The following COL5A1 variants were observed in gnomAD, a reference collection of about 807,000 sequenced individuals.
COL5A1 encodes collagen type V alpha 1 chain.
In COL5A1, 16 loss-of-function variants were observed where a neutral mutation model predicts 263.7. The observed-to-expected ratio is 0.06, with a 90% CI of 0.04 to 0.09. COL5A1 has a LOEUF of 0.09. Among genes scored for constraint, COL5A1 ranks in the 10% least tolerant of loss-of-function variants. COL5A1 has a pLI of 1.00. For missense variants in COL5A1, 2,036 were observed against 2,540.5 expected (o/e 0.80, Z 4.27); for synonymous variants, 1,012 against 1,004.5 (o/e 1.01, Z -0.14).
At chr9:134,830,385 G>A (rs1466611666) in intron 64 of COL5A1, 3 of 614,612 alleles carry the variant, frequency 4.9e-6, no homozygotes, top group Non-Finnish European at 5.7e-6. Context: ...GCCTGGAGTA[G>A]GCAGATGGTT....
In COL5A1 at chr9:134,650,577, G is replaced by T. The variant is rs897621585; in HGVS notation, c.109+8281G>T. On this transcript the variant is annotated intron_variant, in intron 1 of 65. Transcript: ENST00000371817. ...TGAACAGGTGGTTTTACCCAGTGAG[G>T]TGCAGTAGAAGTGGGAGTAGGGTGT... Among the ~76,000 whole-genome samples, 36 of 152,238 alleles carry T rather than the reference G, an allele frequency of 2.4e-4. 1 individual carries two copies. Among genetic ancestry groups the T allele is most frequent in the Admixed American group, 2.2e-3 (33 of 15,292 alleles).
chr9:134,791,779 A>G (rs969483796), intron 32 of COL5A1, among the ~76,000 whole-genome samples: 1 of 151,888 alleles, frequency 6.6e-6, no homozygotes, highest in Non-Finnish European at 1.5e-5. Flanking sequence ...GGTGCAGTCC[A>G]TTCACTTAAA....
At chr9:134,650,650 G>A (rs1189823868) in intron 1 of COL5A1, among the ~76,000 whole-genome samples, 1 of 152,244 alleles carries the variant, frequency 6.6e-6, no homozygotes, top group African/African-American at 2.4e-5. Context: ...TGGGGCGGTG[G>A]CCAGTCAGAG....
rs376610599 is a variant in COL5A1 at position 134,823,382 on chromosome 9, G to A, written c.4645-34G>A. 3.1e-5 allele frequency: 50 copies of A among 1,613,304 alleles called. No individual in the cohort carries two copies. The African/African-American group carries it at 6.4e-4, about 21-fold the overall frequency. Reference sequence around the variant, plus strand: ...GGATTCAAAGTCCCCTCATACCTCTGTGACCAAGGGTTGATTCTTTTCTTT... The same window carrying A: ...GGATTCAAAGTCCCCTCATACCTCTATGACCAAGGGTTGATTCTTTTCTTT... On this transcript the variant is annotated intron_variant, in intron 60 of 65. Transcript: ENST00000371817.
rs183090841 is a variant in COL5A1 at position 134,758,853 on chromosome 9, C to T, written c.1935+557C>T. On this transcript the variant is annotated intron_variant, in intron 18 of 65. Transcript: ENST00000371817. This position sits in a 1 kb window ranked among gnomAD's most constrained non-coding sequence, Gnocchi z 4.1. ...GGTGACCTGGGGGTCTTCCTGGCTG[C>T]GCCGTTTCTATGTGGTTGTTGGAGA... Among the ~76,000 whole-genome samples the T allele has an allele frequency of 5.6e-4, 85 of 152,244 alleles. No homozygotes were observed. In the East Asian group the frequency reaches 0.015, roughly 26 times the overall value.
In COL5A1 at chr9:134,696,065, C is replaced by T. The variant is rs1189924670; in HGVS notation, c.278-3844C>T. On this transcript the variant is annotated intron_variant, in intron 2 of 65. Coordinates refer to ENST00000371817, the MANE Select transcript of COL5A1 (RefSeq NM_000093.5). This position sits in a 1 kb window ranked among gnomAD's most constrained non-coding sequence, Gnocchi z 4.3. Reference sequence around the variant, plus strand: ...GGTCCAGCTGAAACCTCAGCCGCCCCCCAGGTTCCTGGCCCCCTGTCCAAA... The same window carrying T: ...GGTCCAGCTGAAACCTCAGCCGCCCTCCAGGTTCCTGGCCCCCTGTCCAAA... Among the ~76,000 whole-genome samples, 4 of 152,200 alleles carry T rather than the reference C, an allele frequency of 2.6e-5. No individual in the cohort carries two copies. Among genetic ancestry groups the T allele is most frequent in the Non-Finnish European group, 5.9e-5 (4 of 68,026 alleles).
At chr9:134,837,984 T>G (rs1013630825) in intron 65 of COL5A1, among the ~76,000 whole-genome samples, 3 of 152,190 alleles carry the variant, frequency 2.0e-5, no homozygotes, top group African/African-American at 7.2e-5. Flanking sequence ...CAGTTGACAG[T>G]GATCTCACTA....
At position 134,767,150 on chromosome 9, in the gene COL5A1, C is replaced by T. The variant is rs902848846; in HGVS notation, c.2187+97C>T. On this transcript the variant is annotated intron_variant, in intron 23 of 65. Transcript: ENST00000371817. The stretch of plus-strand genomic sequence containing the variant: ...TGGGAGGAAGCGGGGAGCTCTGTCC[C>T]CTCCAAGTAGCAGCCCCTCCCCTTA... The T allele has an allele frequency of 3.6e-5, 53 of 1,483,356 alleles. No individual in the cohort carries two copies. The African/African-American group carries it at 6.6e-4, about 19-fold the overall frequency. 91.9% of individuals were successfully genotyped at this position (1,483,356 alleles called of 1,614,324 possible). A position where few individuals can be genotyped will look rare whatever the true frequency, so the allele number is the denominator to read the frequency against.
intron 19 of COL5A1, among the ~76,000 whole-genome samples, chr9:134,763,000 A>G (rs748444577): frequency 4.6e-5 from 7 of 151,992 alleles, no homozygotes; most frequent in African/African-American, 7.3e-5. Flanking sequence ...GCATGTGTGT[A>G]TGGCTGTGTA....
chr9:134,759,205 C>G (rs539877583), intron 18 of COL5A1, among the ~76,000 whole-genome samples: 1 of 148,726 alleles, frequency 6.7e-6, no homozygotes, highest in Non-Finnish European at 1.5e-5. Flanking sequence ...GAGTGCACAC[C>G]CCCCATGCAC....
At chr9:134,766,219 G>A (rs983827122) in intron 21 of COL5A1, among the ~76,000 whole-genome samples, 3 of 152,048 alleles carry the variant, frequency 2.0e-5, no homozygotes, top group Non-Finnish European at 4.4e-5. Flanking sequence ...GGCCTGCCCC[G>A]TGGAATGCTA....
chr9:134,761,911 C>CT lies in COL5A1; in HGVS notation c.1936-11dup, dbSNP rs776664294. On this transcript the variant is annotated splice_polypyrimidine_tract_variant and intron_variant, in intron 18 of 65. Transcript: ENST00000371817. The stretch of plus-strand genomic sequence containing the variant: ...TGCTCAGGAGAGGCTGACGTTGACC[C>CT]TTTCACTTCCTAGGGTGACCCTGGT... 1.2e-6 allele frequency: 2 copies of CT among 1,613,076 alleles called. No homozygotes were observed. The highest frequency in any genetic ancestry group is 1.7e-6 in the Non-Finnish European group (2 of 1,179,778).
chr9:134,765,752 C>T lies in COL5A1; in HGVS notation c.2088+18C>T. On this transcript the variant is annotated intron_variant, in intron 21 of 65. Transcript: ENST00000371817. The surrounding 1 kb of genome is among the most constrained non-coding windows in gnomAD (Gnocchi z 5.1). The stretch of plus-strand genomic sequence containing the variant: ...GACCTCCCGTAAGTCCCATTACCGC[C>T]CTGCTTGTCTGCCCCCATCTCGGCC... 1.2e-6 allele frequency: 2 copies of T among 1,610,066 alleles called. No individual in the cohort carries two copies. The highest frequency in any genetic ancestry group is 1.7e-6 in the Non-Finnish European group (2 of 1,177,368).
intron 14 of COL5A1, 33 bp from the exon 15 acceptor site, chr9:134,753,817 G>T: frequency 7.3e-7 from 1 of 1,377,124 alleles, no homozygotes; most frequent in Admixed American, 1.9e-5. Context: ...TCCCCACCTC[G>T]AGCAGACATT....
intron 38 of COL5A1, among the ~76,000 whole-genome samples, 165 bp from the exon 39 acceptor site, chr9:134,802,723 G>A (rs911269866): frequency 6.6e-6 from 1 of 152,234 alleles, no homozygotes; most frequent in African/African-American, 2.4e-5. Flanking sequence ...CCACCCTCTA[G>A]ATTTTTGCCG....
intron 61 of COL5A1, among the ~76,000 whole-genome samples, chr9:134,823,725 A>G (rs2132880369): frequency 6.6e-6 from 1 of 152,312 alleles, no homozygotes; most frequent in South Asian, 2.1e-4. Flanking sequence ...GTGTGCATGC[A>G]TGGTATATGA....
chr9:134,776,484 G>A (rs1024816666), intron 27 of COL5A1, among the ~76,000 whole-genome samples: 2 of 152,234 alleles, frequency 1.3e-5, no homozygotes, highest in African/African-American at 2.4e-5. Flanking sequence ...AAGGAAAACC[G>A]AGGTTTAAAA....
intron 37 of COL5A1, among the ~76,000 whole-genome samples, chr9:134,800,637 C>G (rs1188934238): frequency 1.3e-5 from 2 of 149,736 alleles, no homozygotes; most frequent in East Asian, 4.0e-4. Context: ...CCCAGCTACT[C>G]AGGAGGCTGA....
At position 134,728,529 on chromosome 9, in the gene COL5A1, C is replaced by T. The variant is rs549327993; in HGVS notation, c.787-141C>T. The T allele has an allele frequency of 4.3e-5, 49 of 1,151,188 alleles. No individual in the cohort carries two copies. In the Middle Eastern group the frequency reaches 1.9e-3, roughly 44 times the overall value. The allele number at this position is 1,151,188 out of a possible 1,614,324, so 71.3% of individuals were successfully genotyped here. A position where few individuals can be genotyped will look rare whatever the true frequency, so the allele number is the denominator to read the frequency against. ...GAGCTGGAGAGGGAGGAACCCCATCCGGGGACCCACAGGGAGGTTCACGCC... is the reference window on the plus strand; with the variant it reads ...GAGCTGGAGAGGGAGGAACCCCATCTGGGGACCCACAGGGAGGTTCACGCC... On this transcript the variant is annotated intron_variant, in intron 5 of 65. Transcript: ENST00000371817.
Sources: gnomAD v4.1 joint callset for allele counts (sites outside exome capture counted in the v4.1 genomes callset) on GRCh38, gnomAD v4.1.1 for gene constraint, Gnocchi (gnomAD v3.1) non-coding constraint, MANE v1.5 for transcripts, NCBI Gene and HGNC (gene_info 2026-07-23, HGNC 2026-07-21) for gene names.